Variants in ATRNL1 observed in about 807,000 individuals in gnomAD.
The protein encoded by ATRNL1 is attractin-like protein 1.
Under a neutral mutation model 182.7 loss-of-function variants are expected in ATRNL1, and 95 were observed. The ratio of observed to expected loss-of-function variants is 0.52; its 90% confidence interval spans 0.44 to 0.62. The LOEUF is 0.62. Among genes scored for constraint, ATRNL1 ranks in the 20% least tolerant of loss-of-function variants. The pLI, the probability that ATRNL1 is intolerant of heterozygous loss-of-function variation, is 0.00. For missense variants in ATRNL1, 1,471 were observed against 1,679.5 expected (o/e 0.88, Z 2.17); for synonymous variants, 576 against 568.3 (o/e 1.01, Z -0.19).
chr10:115,559,412 G>GTT (rs1853529373), intron 26 of ATRNL1, among the ~76,000 whole-genome samples: 1 of 127,374 alleles, frequency 7.9e-6, no homozygotes, highest in Admixed American at 8.3e-5. Flanking sequence ...CATTCTTGGT[G>GTT]TTTGTGTGTG....
chr10:115,120,352 T>C, intron 2 of ATRNL1, 84 bp downstream of exon 2: 1 of 680,594 alleles, frequency 1.5e-6, no homozygotes, highest in Admixed American at 3.0e-5. Flanking sequence ...CATTAGAGTA[T>C]AATTACTTTA....
intron 1 of ATRNL1, among the ~76,000 whole-genome samples, chr10:115,110,987 T>TCC (rs1554867849): frequency 9.2e-5 from 14 of 152,338 alleles, no homozygotes; most frequent in African/African-American, 3.1e-4. Flanking sequence ...ATTTTAGATA[T>TCC]CTGATTTATT....
In ATRNL1 at chr10:115,889,143, G is replaced by A. The variant is rs888826134; in HGVS notation, c.4018+41152G>A. On this transcript the variant is annotated intron_variant, in intron 28 of 28. Transcript: ENST00000355044. Reference sequence around the variant, plus strand: ...ATACAAGTTGCTGATTCAATGAATGGCTGAGGATTTCAGAAGAGGGAGACA... The same window carrying A: ...ATACAAGTTGCTGATTCAATGAATGACTGAGGATTTCAGAAGAGGGAGACA... Among the ~76,000 whole-genome samples, 9 of 152,278 alleles carry A rather than the reference G, an allele frequency of 5.9e-5. No homozygotes were observed. The South Asian group carries it at 1.7e-3, about 28-fold the overall frequency.
intron 9 of ATRNL1, among the ~76,000 whole-genome samples, chr10:115,224,669 A>G (rs1849622184): frequency 6.6e-6 from 1 of 151,516 alleles, no homozygotes; most frequent in Non-Finnish European, 1.5e-5. Flanking sequence ...GATCACATAG[A>G]GATTAAAAGT....
intron 26 of ATRNL1, among the ~76,000 whole-genome samples, chr10:115,673,966 A>G (rs535157414): frequency 1.6e-4 from 24 of 152,182 alleles, no homozygotes; most frequent in Middle Eastern, 3.4e-3. Flanking sequence ...ACCCCAGGCT[A>G]CATAAAAAGG....
chr10:115,311,245 C>T (rs1291721593), intron 17 of ATRNL1, among the ~76,000 whole-genome samples: 1 of 147,832 alleles, frequency 6.8e-6, no homozygotes, highest in African/African-American at 2.5e-5. Flanking sequence ...GCTGGAGTGC[C>T]GTGGCACAAT....
chr10:115,683,146 A>G (rs1398821928), intron 26 of ATRNL1, among the ~76,000 whole-genome samples: 1 of 152,066 alleles, frequency 6.6e-6, no homozygotes, highest in African/African-American at 2.4e-5. Flanking sequence ...ATACATATGG[A>G]TATTATGTAT....
At chr10:115,094,418 T>A (rs1201974423) in intron 1 of ATRNL1, among the ~76,000 whole-genome samples, 1 of 152,252 alleles carries the variant, frequency 6.6e-6, no homozygotes, top group Non-Finnish European at 1.5e-5. Flanking sequence ...AAGTTACTTA[T>A]GAAATACATG....
intron 15 of ATRNL1, among the ~76,000 whole-genome samples, chr10:115,293,382 A>G (rs1554921541): frequency 6.6e-6 from 1 of 152,214 alleles, no homozygotes; most frequent in East Asian, 1.9e-4. Flanking sequence ...AATTATTCCT[A>G]TCAATTTATT....
At chr10:115,634,479 C>A (rs1858731526) in intron 26 of ATRNL1, among the ~76,000 whole-genome samples, 1 of 151,900 alleles carries the variant, frequency 6.6e-6, no homozygotes, top group Non-Finnish European at 1.5e-5. Flanking sequence ...GTTTAATTGA[C>A]CACCAGACAG....
chr10:115,175,927 CAGTGTAA>C (rs1313630562), intron 8 of ATRNL1, among the ~76,000 whole-genome samples: 34 of 152,164 alleles, frequency 2.2e-4, no homozygotes, highest in African/African-American at 8.0e-4. Flanking sequence ...TTCCCACCAA[CAGTGTAA>C]AAGTGTTCCT....
rs143958275 is a variant in ATRNL1 at position 115,795,767 on chromosome 10, G to A, written c.3904-52110G>A. 1.6e-4 allele frequency among the ~76,000 whole-genome samples: 24 copies of A among 152,160 alleles called. No homozygotes were observed. The East Asian group carries it at 4.3e-3, about 27-fold the overall frequency. ...ATCATGAGACAGCACTAGAGGGATG[G>A]TGCGAAGTGCTAAACCACTGGAAAC... On this transcript the variant is annotated intron_variant, in intron 27 of 28. Transcript: ENST00000355044.
intron 27 of ATRNL1, among the ~76,000 whole-genome samples, chr10:115,792,817 T>A (rs1555082052): frequency 6.6e-6 from 1 of 151,984 alleles, no homozygotes; most frequent in African/African-American, 2.4e-5. Flanking sequence ...TACGGTTAAG[T>A]TCAAATAGGC....
intron 24 of ATRNL1, among the ~76,000 whole-genome samples, chr10:115,485,224 T>G (rs1848962412): frequency 6.6e-6 from 1 of 152,044 alleles, no homozygotes. Flanking sequence ...TACCTGGTCT[T>G]TGAAACCATA....
At chr10:115,757,491 C>G (rs1461549804) in intron 27 of ATRNL1, among the ~76,000 whole-genome samples, 2 of 152,194 alleles carry the variant, frequency 1.3e-5, no homozygotes, top group African/African-American at 4.8e-5. Context: ...TTGTCCCCTA[C>G]TCTCTTCTGG....
chr10:115,385,575 A>G (rs905629019), intron 19 of ATRNL1, among the ~76,000 whole-genome samples: 3 of 152,090 alleles, frequency 2.0e-5, no homozygotes, highest in East Asian at 3.9e-4. Context: ...TAGATAAATT[A>G]TATGTTTTTT....
chr10:115,562,890 T>C (rs968652464), intron 26 of ATRNL1, among the ~76,000 whole-genome samples: 4 of 152,094 alleles, frequency 2.6e-5, no homozygotes, highest in Admixed American at 1.3e-4. Flanking sequence ...TTTCTAGAAA[T>C]TGACAAGTAG....
intron 13 of ATRNL1, among the ~76,000 whole-genome samples, chr10:115,279,537 A>G (rs1359130974): frequency 6.6e-6 from 1 of 152,216 alleles, no homozygotes; most frequent in Non-Finnish European, 1.5e-5. Context: ...CAACCATGTT[A>G]TCTAAAACAA....
intron 28 of ATRNL1, among the ~76,000 whole-genome samples, chr10:115,852,540 T>A (rs1187842462): frequency 6.6e-6 from 1 of 152,156 alleles, no homozygotes; most frequent in Non-Finnish European, 1.5e-5. Context: ...ATTATCCCAC[T>A]TTTACTATTT....
Sources: allele counts gnomAD v4.1 joint callset (sites outside exome capture counted in the v4.1 genomes callset), GRCh38; gene constraint gnomAD v4.1.1; transcripts MANE v1.5; gene names NCBI Gene and HGNC (gene_info 2026-07-23, HGNC 2026-07-21).